PCDHGB1: variants seen among roughly 807,000 people sequenced by gnomAD.
The protein encoded by PCDHGB1 is protocadherin gamma-B1.
Under a neutral mutation model 56.6 loss-of-function variants are expected in PCDHGB1, and 34 were observed. The observed-to-expected ratio is 0.60, with a 90% CI of 0.46 to 0.80. The LOEUF is 0.80. PCDHGB1 is among the 30% of genes least tolerant of loss of function. The pLI, the probability that PCDHGB1 is intolerant of heterozygous loss-of-function variation, is 0.00. For missense variants in PCDHGB1, 1,278 were observed against 1,204.6 expected (o/e 1.06, Z -0.90); for synonymous variants, 561 against 505.9 (o/e 1.11, Z -1.46).
intron 1 of PCDHGB1, chr5:141,407,897 A>T (rs1178644193): frequency 4.9e-6 from 2 of 405,126 alleles, no homozygotes; most frequent in African/African-American, 4.1e-5. Context: ...CCGAATTCAA[A>T]ATGAAAAACC....
Position 141,350,108 on chromosome 5 carries a change from CT to C in PCDHGB1, c.-150del, listed in dbSNP as rs1758409669. The C allele has an allele frequency of 7.5e-6, 4 of 536,778 alleles. No individual in the cohort carries two copies. The highest frequency in any genetic ancestry group is 1.2e-5 in the Non-Finnish European group (4 of 340,040). 33.3% of individuals were successfully genotyped at this position (536,778 alleles called of 1,614,324 possible). On this transcript the variant is annotated 5_prime_UTR_variant, in exon 1 of 4. Coordinates refer to ENST00000523390, the MANE Select transcript of PCDHGB1 (RefSeq NM_018922.3). Reference sequence around the variant, plus strand: ...GAGCGTCAGGCAGGGTGCCTTCCTGCTTTGTCCGGTGCACTGAGCACAGACG... The same window carrying C: ...GAGCGTCAGGCAGGGTGCCTTCCTGCTTGTCCGGTGCACTGAGCACAGACG...
At position 141,350,800 on chromosome 5, in the gene PCDHGB1, G is replaced by A. The variant is rs768629636; in HGVS notation, c.540G>A (p.Lys180=). 3.1e-6 allele frequency: 5 copies of A among 1,614,010 alleles called. No individual in the cohort carries two copies. In the East Asian group the frequency reaches 1.1e-4, roughly 36 times the overall value. Residue 180 remains lysine, a synonymous_variant, in exon 1 of 4, where the codon AAG becomes AAA. Transcript: ENST00000523390. ...ATCAATACTTCTCTCTGTCAACGAA[G>A]GAAAGTCCTGATGGAAGTAAATATC... is the stretch of plus-strand genomic sequence containing the variant. ...NPNQYFSLST[K]ESPDGSKYPV...
rs375597452 is a variant in PCDHGB1 at position 141,403,865 on chromosome 5, A to G, written c.2409+51196A>G. ...AAATACTGGGGAAATATCAACAGCA[A>G]AAAGTCTAGATTATGAAGAATGTTC... On this transcript the variant is annotated intron_variant, in intron 1 of 3. Transcript: ENST00000523390. 40 of 1,613,808 alleles carry G rather than the reference A, an allele frequency of 2.5e-5. No individual in the cohort carries two copies. The African/African-American group carries it at 5.2e-4, about 21-fold the overall frequency.
At chr5:141,389,755 T>G in intron 1 of PCDHGB1, 2 of 1,612,872 alleles carry the variant, frequency 1.2e-6, no homozygotes, top group Non-Finnish European at 1.7e-6. Flanking sequence ...ACGGGCGAAG[T>G]GCGCACAGCG....
intron 1 of PCDHGB1, chr5:141,357,460 T>G: frequency 6.2e-7 from 1 of 1,614,166 alleles, no homozygotes; most frequent in Non-Finnish European, 8.5e-7. Flanking sequence ...GCAGACCTAT[T>G]CCCACGAGGT....
At chr5:141,410,492 T>C in intron 1 of PCDHGB1, 2 of 1,613,912 alleles carry the variant, frequency 1.2e-6, no homozygotes, top group Non-Finnish European at 1.7e-6. Flanking sequence ...TACAAAAGAG[T>C]TTAATTTCCT....
intron 2 of PCDHGB1, among the ~76,000 whole-genome samples, chr5:141,503,398 C>A (rs1374324008): frequency 6.6e-6 from 1 of 151,784 alleles, no homozygotes; most frequent in African/African-American, 2.4e-5. Flanking sequence ...AGTTCGAAAC[C>A]AACCTGGCCA....
intron 1 of PCDHGB1, chr5:141,356,943 C>G: frequency 1.2e-6 from 2 of 1,614,240 alleles, no homozygotes; most frequent in African/African-American, 1.3e-5. Flanking sequence ...CACCCCGCTC[C>G]GCAGATTCCG....
At chr5:141,360,268 T>C in intron 1 of PCDHGB1, 1 of 1,613,792 alleles carries the variant, frequency 6.2e-7, no homozygotes, top group Non-Finnish European at 8.5e-7. Context: ...GGCCAAAAAC[T>C]CGGTCGTAGG....
intron 1 of PCDHGB1, chr5:141,371,621 C>T: frequency 6.2e-7 from 1 of 1,613,986 alleles, no homozygotes; most frequent in Middle Eastern, 1.6e-4. Flanking sequence ...CAGATGGAGC[C>T]CTGGACCGGG....
At chr5:141,408,156 T>G (rs1270401832) in intron 1 of PCDHGB1, 2 of 1,512,436 alleles carry the variant, frequency 1.3e-6, no homozygotes, top group East Asian at 2.5e-5. Flanking sequence ...TAGAGTGCAC[T>G]TTCTCCAACT....
chr5:141,385,529 T>G (rs568078652), intron 1 of PCDHGB1: 1 of 1,354,768 alleles, frequency 7.4e-7, no homozygotes, highest in South Asian at 2.0e-5. Context: ...TGGACAAGAT[T>G]ATGAATATGT....
chr5:141,355,504 T>C (rs1759880849), intron 1 of PCDHGB1: 8 of 1,614,034 alleles, frequency 5.0e-6, no homozygotes, highest in Non-Finnish European at 6.8e-6. Context: ...ATCTCCAAAC[T>C]GTGTGACAAA....
chr5:141,442,051 C>G (rs1384937090), intron 1 of PCDHGB1: 1 of 197,158 alleles, frequency 5.1e-6, no homozygotes, highest in East Asian at 1.8e-4. Context: ...CTACTGGTCG[C>G]GGTGCACTGC....
At chr5:141,403,106 C>A (rs1311418325) in intron 1 of PCDHGB1, 1 of 1,614,066 alleles carries the variant, frequency 6.2e-7, no homozygotes. Context: ...CTCCAAGGAC[C>A]TGGCTCTGGA....
chr5:141,476,459 C>T lies in PCDHGB1; in HGVS notation c.2410-18348C>T. On this transcript the variant is annotated intron_variant, in intron 1 of 3. Coordinates refer to ENST00000523390, the MANE Select transcript of PCDHGB1 (RefSeq NM_018922.3). The surrounding 1 kb of genome is among the most constrained non-coding windows in gnomAD (Gnocchi z 7.6). ...AACTCTGGAGTTGGTAGTGGAGAACCCGCTGGAGCTGTTCAGCGTGGAAGT... is the reference window on the plus strand; with the variant it reads ...AACTCTGGAGTTGGTAGTGGAGAACTCGCTGGAGCTGTTCAGCGTGGAAGT... 6.2e-7 allele frequency: 1 copy of T among 1,614,048 alleles called. No individual in the cohort carries two copies. Among genetic ancestry groups the T allele is most frequent in the Non-Finnish European group, 8.5e-7 (1 of 1,180,006 alleles).
At chr5:141,510,334 C>G (rs1463634534) in intron 3 of PCDHGB1, among the ~76,000 whole-genome samples, 1 of 151,448 alleles carries the variant, frequency 6.6e-6, no homozygotes, top group African/African-American at 2.4e-5. Context: ...TCTTCACCCC[C>G]ACCCCACACA....
chr5:141,360,370 C>A lies in PCDHGB1; in HGVS notation c.2409+7701C>A, dbSNP rs115198789. On this transcript the variant is annotated intron_variant, in intron 1 of 3. Coordinates refer to ENST00000523390, the MANE Select transcript of PCDHGB1 (RefSeq NM_018922.3). ...GGAGAAGGAATATTTCACAGTAAAC[C>A]CAGAAAGCGGAGACTTACTTGTGAG... The A allele has an allele frequency of 5.9e-5, 95 of 1,613,810 alleles. No homozygotes were observed. The highest frequency in any genetic ancestry group is 3.1e-4 in the African/African-American group (23 of 75,012).
rs759146011 is a variant in PCDHGB1, at chr5:141,477,635, G to A, written c.2410-17172G>A. 6.2e-7 allele frequency: 1 copy of A among 1,614,138 alleles called. No homozygotes were observed. The highest frequency in any genetic ancestry group is 8.5e-7 in the Non-Finnish European group (1 of 1,180,040). On this transcript the variant is annotated intron_variant, in intron 1 of 3. Coordinates refer to ENST00000523390, the MANE Select transcript of PCDHGB1 (RefSeq NM_018922.3). This position sits in a 1 kb window ranked among gnomAD's most constrained non-coding sequence, Gnocchi z 4.9. ...GCAAGGAGCTGAAACCGGGCTAGTG[G>A]GTCGCTATTTCACAATAAATCGTGA...
Sources: gnomAD v4.1 joint callset for allele counts (sites outside exome capture counted in the v4.1 genomes callset) on GRCh38, gnomAD v4.1.1 for gene constraint, Gnocchi (gnomAD v3.1) non-coding constraint, MANE v1.5 for transcripts, NCBI Gene and HGNC (gene_info 2026-07-23, HGNC 2026-07-21) for gene names.